SYN3: variants seen among roughly 807,000 people sequenced by gnomAD.
The protein encoded by SYN3 is synapsin III.
A neutral mutation model predicts 65.8 loss-of-function variants in SYN3; 35 were observed. That is an observed-to-expected ratio of 0.53 (90% CI 0.41 to 0.70). The LOEUF is 0.70. SYN3 is among the 30% of genes least tolerant of loss of function. The probability of loss-of-function intolerance (pLI) is 0.00; values close to 1 mark genes in which losing one functional copy is unlikely to be tolerated. For missense variants in SYN3, 680 were observed against 749.0 expected (o/e 0.91, Z 1.08); for synonymous variants, 270 against 292.9 (o/e 0.92, Z 0.80).
At chr22:32,633,311 G>A (rs1162355658) in intron 6 of SYN3, among the ~76,000 whole-genome samples, 1 of 152,112 alleles carries the variant, frequency 6.6e-6, no homozygotes, top group Non-Finnish European at 1.5e-5. Context: ...AACAGACTCC[G>A]AGGAACAGTG....
chr22:32,909,314 C>T (rs2049986285), intron 4 of SYN3, among the ~76,000 whole-genome samples: 1 of 152,226 alleles, frequency 6.6e-6, no homozygotes, highest in African/African-American at 2.4e-5. Flanking sequence ...GGTTCCTTCA[C>T]AACCATTAGC....
chr22:32,523,172 T>C (rs1374070936), intron 12 of SYN3, among the ~76,000 whole-genome samples: 1 of 152,226 alleles, frequency 6.6e-6, no homozygotes, highest in Admixed American at 6.5e-5. Context: ...TTGATACTAC[T>C]ATTGTATTAA....
intron 6 of SYN3, among the ~76,000 whole-genome samples, chr22:32,738,672 T>C (rs1301900900): frequency 2.6e-5 from 4 of 152,082 alleles, no homozygotes; most frequent in Non-Finnish European, 5.9e-5. Context: ...TGAGTAGGAA[T>C]TTGCCAGCCA....
At chr22:32,569,400 A>ATCT (rs2058718576) in intron 7 of SYN3, among the ~76,000 whole-genome samples, 1 of 143,970 alleles carries the variant, frequency 6.9e-6, no homozygotes, top group Non-Finnish European at 1.5e-5. Context: ...CTCCATCCAA[A>ATCT]ATCTATCTAT....
chr22:33,033,250 CTCAGCCTCCCAAAGTGCTGG>C (rs1160658253), intron 1 of SYN3, among the ~76,000 whole-genome samples: 1 of 152,174 alleles, frequency 6.6e-6, no homozygotes, highest in East Asian at 1.9e-4. Context: ...ATCCACCCAC[CTCAGCCTCCCAAAGTGCTGG>C]GATTACAGGC....
chr22:32,831,328 C>A (rs1359503361), intron 6 of SYN3, among the ~76,000 whole-genome samples: 1 of 152,066 alleles, frequency 6.6e-6, no homozygotes, highest in Non-Finnish European at 1.5e-5. Flanking sequence ...TTGAAGGGAC[C>A]CAGAGAAGAG....
chr22:32,803,128 AAGTCC>A (rs2046634942), intron 6 of SYN3, among the ~76,000 whole-genome samples: 1 of 152,138 alleles, frequency 6.6e-6, no homozygotes, highest in Non-Finnish European at 1.5e-5. Context: ...TAAAGCGTGC[AAGTCC>A]AGTGGCTCTG....
In SYN3 at chr22:33,049,500, T is replaced by C. The variant is rs1011259033; in HGVS notation, c.-163+8792A>G. On this transcript the variant is annotated intron_variant, in intron 1 of 13. Coordinates refer to ENST00000358763, the MANE Select transcript of SYN3 (RefSeq NM_003490.4). Reference sequence around the variant, plus strand: ...GGGTGAGACTTTCTTAATGCTATAGTGATCATGAAAAGGGTCAAGTATCTG... The same window carrying C: ...GGGTGAGACTTTCTTAATGCTATAGCGATCATGAAAAGGGTCAAGTATCTG... 5.3e-5 allele frequency among the ~76,000 whole-genome samples: 8 copies of C among 152,224 alleles called. No individual in the cohort carries two copies. The South Asian group carries it at 1.4e-3, about 28-fold the overall frequency.
At position 32,798,934 on chromosome 22, in the gene SYN3, G is replaced by A. The variant is rs566440949; in HGVS notation, c.711+65981C>T. Among the ~76,000 whole-genome samples the A allele has an allele frequency of 8.9e-4, 136 of 151,982 alleles. 1 individual carries two copies. The highest frequency in any genetic ancestry group is 3.0e-3 in the African/African-American group (124 of 41,486). Reference sequence around the variant, plus strand: ...TCTCGATCTCCTGACCTCGTGATCCGCCCACCTTGGCCTCTCAAAGTGCTG... The same window carrying A: ...TCTCGATCTCCTGACCTCGTGATCCACCCACCTTGGCCTCTCAAAGTGCTG... On this transcript the variant is annotated intron_variant, in intron 6 of 13. Transcript: ENST00000358763.
At chr22:32,930,957 A>C (rs1206886750) in intron 4 of SYN3, 6 of 155,666 alleles carry the variant, frequency 3.9e-5, no homozygotes, top group African/African-American at 1.4e-4. Flanking sequence ...ATATTGCAGG[A>C]AGTTGAATTT....
At chr22:33,050,495 A>AC (rs1433116881) in intron 1 of SYN3, among the ~76,000 whole-genome samples, 2 of 151,188 alleles carry the variant, frequency 1.3e-5, no homozygotes, top group Non-Finnish European at 2.9e-5. Context: ...AAAAAAAAAA[A>AC]AAAACAAAAC....
chr22:32,569,448 T>TATCTA (rs397793026), intron 7 of SYN3, among the ~76,000 whole-genome samples: 91 of 146,026 alleles, frequency 6.2e-4, no homozygotes, highest in African/African-American at 2.2e-3. Context: ...TCTATCTATC[T>TATCTA]TCTCTATCTA....
intron 3 of SYN3, among the ~76,000 whole-genome samples, chr22:32,978,404 T>G (rs745851130): frequency 5.9e-5 from 9 of 151,528 alleles, no homozygotes; most frequent in Non-Finnish European, 7.4e-5. Flanking sequence ...TAGGGAGGAG[T>G]AGGGTGGGCG....
rs151315405 is a variant in SYN3, at chr22:32,982,415, T to A, written c.312-1713A>T. 3.5e-4 allele frequency among the ~76,000 whole-genome samples: 54 copies of A among 152,166 alleles called. No individual in the cohort carries two copies. The Middle Eastern group carries it at 0.01, about 29-fold the overall frequency. ...TCTTCCCCATCATCAGTACATGACA[T>A]CCCTATCTACCCATTGTTTAGACAT... On this transcript the variant is annotated intron_variant, in intron 2 of 13. Coordinates refer to ENST00000358763, the MANE Select transcript of SYN3 (RefSeq NM_003490.4).
intron 6 of SYN3, among the ~76,000 whole-genome samples, chr22:32,842,540 T>G (rs149743150): frequency 6.6e-6 from 1 of 152,338 alleles, no homozygotes; most frequent in East Asian, 1.9e-4. Flanking sequence ...TGTTTTCCTC[T>G]GATTAGTAAA....
Position 32,776,033 on chromosome 22 carries a change from C to A in SYN3, c.711+88882G>T, listed in dbSNP as rs150331098. ...AAATACGATCACGTGTATCCTTATA[C>A]GAGGCAGGCAGAGAGAGATCTGGTG... On this transcript the variant is annotated intron_variant, in intron 6 of 13. Transcript: ENST00000358763. Among the ~76,000 whole-genome samples, 4 of 152,224 alleles carry A rather than the reference C, an allele frequency of 2.6e-5. No homozygotes were observed. In the East Asian group the frequency reaches 7.7e-4, roughly 29 times the overall value.
intron 6 of SYN3, chr22:32,849,458 G>C: frequency 6.2e-7 from 1 of 1,613,530 alleles, no homozygotes; most frequent in Non-Finnish European, 8.5e-7. Context: ...GCAGTGATCC[G>C]GGCCAAGGTG....
intron 3 of SYN3, among the ~76,000 whole-genome samples, chr22:32,951,138 C>A (rs866722780): frequency 6.6e-6 from 1 of 152,198 alleles, no homozygotes; most frequent in Non-Finnish European, 1.5e-5. Context: ...AAAGGAAACA[C>A]AAACCCTACA....
chr22:32,908,371 C>A (rs1333048082), intron 4 of SYN3, among the ~76,000 whole-genome samples: 4 of 148,520 alleles, frequency 2.7e-5, no homozygotes, highest in Non-Finnish European at 5.9e-5. Flanking sequence ...CAGGGGTGAG[C>A]CACCACGCCT....
Sources: allele counts gnomAD v4.1 joint callset (sites outside exome capture counted in the v4.1 genomes callset), GRCh38; gene constraint gnomAD v4.1.1; transcripts MANE v1.5; gene names NCBI Gene and HGNC (gene_info 2026-07-23, HGNC 2026-07-21).